The following KIAA1217 variants were observed in gnomAD, a reference collection of about 807,000 sequenced individuals.
The protein encoded by KIAA1217 is sickle tail protein homolog.
In KIAA1217, 88 loss-of-function variants were observed where a neutral mutation model predicts 163.9. The observed-to-expected ratio is 0.54, with a 90% CI of 0.45 to 0.64. The LOEUF (loss-of-function observed/expected upper bound fraction) is 0.64. Among genes scored for constraint, KIAA1217 ranks in the 30% least tolerant of loss-of-function variants. The pLI is 0.00. For missense variants in KIAA1217, 2,372 were observed against 2,475.0 expected, an observed-to-expected ratio of 0.96 and a Z score of 0.88; for synonymous variants, 903 against 923.1, an observed-to-expected ratio of 0.98 and a Z score of 0.39.
chr10:24,543,638 C>G lies in KIAA1217; in HGVS notation c.4368C>G (p.Ala1456=), dbSNP rs1024382456. The G allele has an allele frequency of 5.0e-6, 8 of 1,613,932 alleles. No homozygotes were observed. Residue 1456 remains alanine (A), a synonymous_variant, in exon 19 of 21, where the codon GCC becomes GCG. Transcript: ENST00000376454. ...IFDEPMDIRS[A]YKRLSTIFEE... is the part of the protein sequence containing the mutation. ...ATGAGCCCATGGACATCCGGTCTGC[C>G]TATAAGAGACTTTCAACTATCTTTG... is the stretch of plus-strand genomic sequence containing the variant.
At chr10:24,004,726 G>C (rs929972785) in intron 1 of KIAA1217, among the ~76,000 whole-genome samples, 2 of 152,248 alleles carry the variant, frequency 1.3e-5, no homozygotes, top group African/African-American at 4.8e-5. Flanking sequence ...CTTTCTCAGG[G>C]TGCTCTTTTC....
At chr10:24,199,564 T>C (rs1230260048) in intron 2 of KIAA1217, among the ~76,000 whole-genome samples, 1 of 152,258 alleles carries the variant, frequency 6.6e-6, no homozygotes, top group Non-Finnish European at 1.5e-5. Flanking sequence ...TAATTTTCAC[T>C]GTTTCCTTTT....
chr10:24,080,208 T>C (rs1347081240), intron 2 of KIAA1217, among the ~76,000 whole-genome samples: 1 of 152,202 alleles, frequency 6.6e-6, no homozygotes, highest in East Asian at 1.9e-4. Flanking sequence ...TATCTTAGCA[T>C]GGTGAGGGAT....
chr10:24,211,369 T>C lies in KIAA1217; in HGVS notation c.70+2106T>C, dbSNP rs1194083477. Among the ~76,000 whole-genome samples the C allele has an allele frequency of 2.6e-3, 356 of 138,718 alleles. 3 individuals carry two copies. The highest frequency in any genetic ancestry group is 4.1e-3 in the Non-Finnish European group (265 of 64,048). 91.0% of individuals were successfully genotyped at this position (138,718 alleles called of 152,430 possible). A position where few individuals can be genotyped will look rare whatever the true frequency, so the allele number is the denominator to read the frequency against. ...CCTGGCAGGTGGGACTACTTTTTTTTTTTTTTTTTTTTTTTTTTTTTAGAG... is the reference window on the plus strand; with the variant it reads ...CCTGGCAGGTGGGACTACTTTTTTTCTTTTTTTTTTTTTTTTTTTTTAGAG... On this transcript the variant is annotated intron_variant, in intron 1 of 20. Transcript: ENST00000376454.
chr10:24,276,919 A>G (rs928513465), intron 2 of KIAA1217, among the ~76,000 whole-genome samples: 12 of 134,192 alleles, frequency 8.9e-5, no homozygotes, highest in African/African-American at 2.8e-4. Flanking sequence ...AGTCCAGCTA[A>G]TTAAAAAAAA....
chr10:23,967,674 T>A (rs1196448519), intron 1 of KIAA1217, among the ~76,000 whole-genome samples: 1 of 152,340 alleles, frequency 6.6e-6, no homozygotes, highest in African/African-American at 2.4e-5. Flanking sequence ...AATTTGACAC[T>A]ATTATTTTGG....
intron 2 of KIAA1217, among the ~76,000 whole-genome samples, chr10:24,284,728 T>C (rs964321984): frequency 1.3e-5 from 2 of 152,192 alleles, no homozygotes; most frequent in Non-Finnish European, 2.9e-5. Flanking sequence ...TTTGGTAGAA[T>C]GATTTATTTT....
chr10:24,013,556 A>G (rs1847343147), intron 2 of KIAA1217, among the ~76,000 whole-genome samples: 1 of 152,112 alleles, frequency 6.6e-6, no homozygotes, highest in African/African-American at 2.4e-5. Context: ...TGTGAATAAC[A>G]GAATCAACTG....
At chr10:23,927,360 G>GT (rs1554825053) in intron 1 of KIAA1217, among the ~76,000 whole-genome samples, 4 of 150,960 alleles carry the variant, frequency 2.6e-5, no homozygotes, top group African/African-American at 4.9e-5. Context: ...GTGTGTGTGT[G>GT]GCCAAATGTT....
At chr10:23,837,969 T>C (rs1386704287) in intron 1 of KIAA1217, among the ~76,000 whole-genome samples, 1 of 152,166 alleles carries the variant, frequency 6.6e-6, no homozygotes, top group Non-Finnish European at 1.5e-5. Context: ...GCATGACCCA[T>C]TCCTTCAACA....
At chr10:23,978,891 A>G (rs934405055) in intron 1 of KIAA1217, among the ~76,000 whole-genome samples, 3 of 152,126 alleles carry the variant, frequency 2.0e-5, no homozygotes, top group Non-Finnish European at 4.4e-5. Flanking sequence ...TCTACCTGCC[A>G]TGTTCTCTCT....
chr10:23,800,835 G>C (rs1052737501), intron 1 of KIAA1217, among the ~76,000 whole-genome samples: 17 of 152,192 alleles, frequency 1.1e-4, no homozygotes, highest in African/African-American at 4.1e-4. Context: ...ACAGATGCTG[G>C]GGAGGATGTG....
At chr10:23,901,271 A>G (rs1841943766) in intron 1 of KIAA1217, among the ~76,000 whole-genome samples, 1 of 152,132 alleles carries the variant, frequency 6.6e-6, no homozygotes, top group Admixed American at 6.5e-5. Context: ...CCAGGATTTG[A>G]CCAAGGAAGT....
At position 24,256,541 on chromosome 10, in the gene KIAA1217, G is replaced by GA. The variant is rs113226260; in HGVS notation, c.354+36641dup. On this transcript the variant is annotated intron_variant, in intron 2 of 20. Transcript: ENST00000376454. ...TAAGATGTCCTGAAAGAAACCTTGG[G>GA]AAAAAAAAAGCACAGTCCCCACATT... Among the ~76,000 whole-genome samples, 521 of 150,308 alleles carry GA rather than the reference G, an allele frequency of 3.5e-3. 2 individuals carry two copies. The highest frequency in any genetic ancestry group is 0.012 in the African/African-American group (486 of 40,908).
At chr10:23,923,597 G>C (rs1373642122) in intron 1 of KIAA1217, among the ~76,000 whole-genome samples, 1 of 152,010 alleles carries the variant, frequency 6.6e-6, no homozygotes, top group Non-Finnish European at 1.5e-5. Context: ...AGCAGAGATG[G>C]AGAGATGTGT....
rs1564386390 is a variant in KIAA1217 at position 23,746,497 on chromosome 10, C to T, written c.-321+51263C>T. Among the ~76,000 whole-genome samples, 3 of 152,198 alleles carry T rather than the reference C, an allele frequency of 2.0e-5. No individual in the cohort carries two copies. In the South Asian group the frequency reaches 6.2e-4, roughly 32 times the overall value. ...GGAGTGCAGTGGTGCGATCTTGGCTCACTGCTAGCTCCGCCTCCCGGGTTC... is the reference window on the plus strand; with the variant it reads ...GGAGTGCAGTGGTGCGATCTTGGCTTACTGCTAGCTCCGCCTCCCGGGTTC... On this transcript the variant is annotated intron_variant, in intron 1 of 18. Transcript: ENST00000376462.
chr10:24,497,671 G>A lies in KIAA1217; in HGVS notation c.1834+2475G>A, dbSNP rs183705973. On this transcript the variant is annotated intron_variant, in intron 8 of 20. Transcript: ENST00000376454. ...AGAGGTCAAGGCTGCAGTAAGCCGAGATCAAGCCACTGCACTTCAGCCTGA... is the reference window on the plus strand; with the variant it reads ...AGAGGTCAAGGCTGCAGTAAGCCGAAATCAAGCCACTGCACTTCAGCCTGA... Among the ~76,000 whole-genome samples, 251 of 149,784 alleles carry A rather than the reference G, an allele frequency of 1.7e-3. 1 individual carries two copies. Among genetic ancestry groups the A allele is most frequent in the Non-Finnish European group, 2.5e-3 (171 of 67,790 alleles).
In KIAA1217 at chr10:23,695,691, A is replaced by G. The variant is rs1272782111; in HGVS notation, c.-321+457A>G. ...GGCTGGAAGACAGGGGCAAGGAGAG[A>G]GAGAACCGGCCCCGAGACGGGCTGG... On this transcript the variant is annotated intron_variant, in intron 1 of 18. Transcript: ENST00000376462. This position sits in a 1 kb window ranked among gnomAD's most constrained non-coding sequence, Gnocchi z 4.9. Among the ~76,000 whole-genome samples the G allele has an allele frequency of 6.6e-6, 1 of 152,164 alleles. No individual in the cohort carries two copies. The highest frequency in any genetic ancestry group is 6.5e-5 in the Admixed American group (1 of 15,300).
chr10:23,737,850 T>G lies in KIAA1217; in HGVS notation c.-321+42616T>G, dbSNP rs568556573. On this transcript the variant is annotated intron_variant, in intron 1 of 18. Transcript: ENST00000376462. ...ACTAAAATGTCTCTATTTTTTGGATTCACAGTTTTATTAATCTCTTGGTGG... is the reference window on the plus strand; with the variant it reads ...ACTAAAATGTCTCTATTTTTTGGATGCACAGTTTTATTAATCTCTTGGTGG... Among the ~76,000 whole-genome samples, 5 of 152,268 alleles carry G rather than the reference T, an allele frequency of 3.3e-5. No individual in the cohort carries two copies. The East Asian group carries it at 9.7e-4, about 29-fold the overall frequency.
Sources: gnomAD v4.1 joint callset for allele counts (sites outside exome capture counted in the v4.1 genomes callset) on GRCh38, gnomAD v4.1.1 for gene constraint, Gnocchi (gnomAD v3.1) non-coding constraint, MANE v1.5 for transcripts, NCBI Gene and HGNC (gene_info 2026-07-23, HGNC 2026-07-21) for gene names.